The following SLC10A7 variants were observed in gnomAD, a reference collection of about 807,000 sequenced individuals.
SLC10A7 encodes the protein sodium/bile acid cotransporter 7.
SLC10A7 carries 29 observed loss-of-function variants against 43.2 expected under a neutral mutation model. That is an observed-to-expected ratio of 0.67 (90% confidence interval 0.50 to 0.92). The LOEUF is 0.92. Ranked by LOEUF, SLC10A7 falls within the 40% of genes least tolerant of loss-of-function variation. The pLI is 0.00. For synonymous variants in SLC10A7, 152 were observed against 144.8 expected, an observed-to-expected ratio of 1.05 and a Z score of -0.35; for missense variants, 295 against 403.2, an observed-to-expected ratio of 0.73 and a Z score of 2.30.
Position 146,510,033 on chromosome 4 carries a change from A to G in SLC10A7, c.200T>C (p.Leu67Ser). Residue 67 changes from leucine to serine, a missense_variant, in exon 3 of 12, where the codon TTG becomes TCG. Around this residue, in one of 2 missense-constraint regions of SLC10A7, gnomAD observed 242 missense variants for 362.5 expected, o/e 0.67. Coordinates refer to ENST00000335472, the MANE Select transcript of SLC10A7 (RefSeq NM_001029998.6). ...AAAAAGATGCAGTTTTAGATGCACC[A>G]AAGCACTGGTCAGCTCCTGGAAAAA... ...SLKTEELTSA[L>S]VHLKLHLFIQ... The G allele has an allele frequency of 6.2e-7, 1 of 1,610,492 alleles. No individual in the cohort carries two copies. The highest frequency in any genetic ancestry group is 8.5e-7 in the Non-Finnish European group (1 of 1,178,446).
chr4:146,516,797 C>T (rs1738042253), intron 2 of SLC10A7, among the ~76,000 whole-genome samples: 1 of 152,052 alleles, frequency 6.6e-6, no homozygotes, highest in Admixed American at 6.5e-5. Flanking sequence ...GTTCAGCTGT[C>T]ATATTAAAAA....
chr4:146,512,612 A>G (rs1228125146), intron 2 of SLC10A7, among the ~76,000 whole-genome samples: 2 of 152,208 alleles, frequency 1.3e-5, no homozygotes, highest in Non-Finnish European at 2.9e-5. Context: ...AGGTGTATAA[A>G]TTGGCATAAC....
intron 5 of SLC10A7, among the ~76,000 whole-genome samples, chr4:146,398,038 G>A (rs757505147): frequency 3.3e-5 from 5 of 152,256 alleles, no homozygotes; most frequent in East Asian, 1.9e-4. Context: ...ATTTATTGAC[G>A]TAGCATTGGA....
At chr4:146,352,502 C>T (rs1735201508) in intron 5 of SLC10A7, among the ~76,000 whole-genome samples, 3 of 149,728 alleles carry the variant, frequency 2.0e-5, no homozygotes, top group African/African-American at 7.4e-5. Context: ...ACAAGGATAC[C>T]CAGGAATTGA....
chr4:146,287,905 T>C (rs1560765663), intron 9 of SLC10A7, among the ~76,000 whole-genome samples: 1 of 152,218 alleles, frequency 6.6e-6, no homozygotes, highest in Non-Finnish European at 1.5e-5. Context: ...TACAGCACAT[T>C]TCCAGTGTGT....
At chr4:146,327,367 A>T (rs1215026055) in intron 5 of SLC10A7, among the ~76,000 whole-genome samples, 1 of 152,232 alleles carries the variant, frequency 6.6e-6, no homozygotes, top group Non-Finnish European at 1.5e-5. Flanking sequence ...TATCAACTCC[A>T]TTGGTATCTA....
chr4:146,390,934 C>T lies in SLC10A7; in HGVS notation c.435+51849G>A, dbSNP rs186822513. On this transcript the variant is annotated intron_variant, in intron 5 of 11. Coordinates refer to ENST00000335472, the MANE Select transcript of SLC10A7 (RefSeq NM_001029998.6). ...CAAGAGGGGTTTTAGAAGAAACTAA[C>T]GCTCAGAGCAACTTGAAAGGGAAAA... 2.4e-4 allele frequency among the ~76,000 whole-genome samples: 36 copies of T among 152,018 alleles called. No homozygotes were observed. The East Asian group carries it at 6.0e-3, about 25-fold the overall frequency.
chr4:146,288,725 G>A (rs1342326710), intron 9 of SLC10A7, among the ~76,000 whole-genome samples: 1 of 151,356 alleles, frequency 6.6e-6, no homozygotes, highest in Non-Finnish European at 1.5e-5. Context: ...ATCTCTATTG[G>A]GTCTGCTCAC....
chr4:146,325,836 C>G, intron 6 of SLC10A7, 125 bp downstream of exon 6: 2 of 858,744 alleles, frequency 2.3e-6, no homozygotes, highest in Non-Finnish European at 3.7e-6. Flanking sequence ...TACAGCTAAA[C>G]TGGAACAACA....
chr4:146,406,632 G>C (rs1194943397), intron 5 of SLC10A7, among the ~76,000 whole-genome samples: 3 of 151,876 alleles, frequency 2.0e-5, no homozygotes, highest in African/African-American at 4.9e-5. Context: ...TGACATATAA[G>C]AAGCCAACCA....
intron 5 of SLC10A7, among the ~76,000 whole-genome samples, chr4:146,350,312 C>T (rs1289739523): frequency 2.6e-5 from 4 of 151,648 alleles, no homozygotes; most frequent in African/African-American, 7.3e-5. Flanking sequence ...CCGAATATTG[C>T]GCTTTTCAGA....
intron 5 of SLC10A7, chr4:146,442,543 T>C (rs1322761117): frequency 3.0e-6 from 4 of 1,344,418 alleles, no homozygotes; most frequent in Non-Finnish European, 3.8e-6. Context: ...GTGTTTTAAT[T>C]GATTCCTTGA....
chr4:146,356,003 A>T (rs1412121038), intron 5 of SLC10A7, among the ~76,000 whole-genome samples: 1 of 148,328 alleles, frequency 6.7e-6, no homozygotes, highest in Admixed American at 6.8e-5. Context: ...ACTAACCTGC[A>T]CAATGTGCAC....
chr4:146,318,729 G>A (rs925935074), intron 6 of SLC10A7, among the ~76,000 whole-genome samples: 3 of 151,920 alleles, frequency 2.0e-5, no homozygotes, highest in African/African-American at 7.3e-5. Flanking sequence ...TGGAATCCAA[G>A]TATCTCCCAT....
At chr4:146,512,924 CA>C (rs915259924) in intron 2 of SLC10A7, among the ~76,000 whole-genome samples, 3 of 151,268 alleles carry the variant, frequency 2.0e-5, no homozygotes, top group African/African-American at 4.9e-5. Context: ...ATTTGATGTA[CA>C]AAAAAAATGG....
At chr4:146,283,062 T>C in intron 10 of SLC10A7, 130 bp downstream of exon 10, 1 of 667,908 alleles carries the variant, frequency 1.5e-6, no homozygotes. Context: ...CTCACTTTGC[T>C]ACTGTTCCTT....
At chr4:146,258,910 A>G (rs767549802) in intron 10 of SLC10A7, 73 bp from the exon 11 acceptor site, 121 of 1,500,842 alleles carry the variant, frequency 8.1e-5, no homozygotes, top group Non-Finnish European at 1.0e-4. Flanking sequence ...ACTCCATCAA[A>G]ATCAGAACTT....
intron 4 of SLC10A7, among the ~76,000 whole-genome samples, chr4:146,459,615 C>CA (rs1223959898): frequency 9.1e-5 from 13 of 143,324 alleles, no homozygotes; most frequent in South Asian, 2.2e-4. Flanking sequence ...CATCCACACA[C>CA]AAAAAAAAAA....
At chr4:146,372,925 C>T (rs2149781043) in intron 5 of SLC10A7, among the ~76,000 whole-genome samples, 1 of 152,242 alleles carries the variant, frequency 6.6e-6, no homozygotes, top group African/African-American at 2.4e-5. Context: ...ATTATTACTA[C>T]TAGGACAATT....
Sources: allele counts gnomAD v4.1 joint callset (sites outside exome capture counted in the v4.1 genomes callset), GRCh38; gene constraint gnomAD v4.1.1; regional missense constraint gnomAD v4.1.1; transcripts MANE v1.5; gene names NCBI Gene and HGNC (gene_info 2026-07-23, HGNC 2026-07-21).